The following TEC variants were observed in gnomAD, a reference collection of about 807,000 sequenced individuals.
TEC encodes tec protein tyrosine kinase.
In TEC, 72 loss-of-function variants were observed where a neutral mutation model predicts 93.0. The observed-to-expected ratio is 0.77, with a 90% CI of 0.64 to 0.94. TEC has a LOEUF of 0.94. Among genes scored for constraint, TEC ranks in the 40% least tolerant of loss-of-function variants. The pLI is 0.00. For missense variants in TEC, 630 were observed against 757.9 expected (o/e 0.83, Z 1.98); for synonymous variants, 249 against 247.7 (o/e 1.01, Z -0.05).
intron 1 of TEC, among the ~76,000 whole-genome samples, chr4:48,264,222 C>T (rs1724573072): frequency 6.6e-6 from 1 of 152,112 alleles, no homozygotes. Context: ...GCAATTGAAC[C>T]CTCTATAAAA....
At chr4:48,179,372 ATATATTTTT>A (rs1721488865) in intron 2 of TEC, among the ~76,000 whole-genome samples, 2 of 27,116 alleles carry the variant, frequency 7.4e-5, no homozygotes, top group Admixed American at 1.2e-3. Flanking sequence ...ATATATATAT[ATATATTTTT>A]TTTTTTTTTT....
intron 1 of TEC, among the ~76,000 whole-genome samples, chr4:48,232,905 T>C (rs1160741620): frequency 6.6e-6 from 1 of 152,184 alleles, no homozygotes; most frequent in Non-Finnish European, 1.5e-5. Context: ...CTAGAAGTTG[T>C]GATGGAGAAG....
chr4:48,156,960 T>C (rs1199570686), intron 8 of TEC, among the ~76,000 whole-genome samples: 1 of 152,356 alleles, frequency 6.6e-6, no homozygotes, highest in Non-Finnish European at 1.5e-5. Context: ...CATATTCTTA[T>C]GTTTCATTAA....
At chr4:48,223,304 A>G (rs1168541390) in intron 2 of TEC, among the ~76,000 whole-genome samples, 1 of 152,238 alleles carries the variant, frequency 6.6e-6, no homozygotes. Context: ...AAACAAAAAT[A>G]TCCATGAAAC....
At chr4:48,160,826 A>AGG (rs1553885907) in intron 8 of TEC, among the ~76,000 whole-genome samples, 1 of 115,340 alleles carries the variant, frequency 8.7e-6, no homozygotes, top group East Asian at 3.5e-4. Flanking sequence ...AGAGAGAGAC[A>AGG]GAGGGAGGGA....
chr4:48,163,933 T>C (rs1177313655), intron 7 of TEC, among the ~76,000 whole-genome samples, 166 bp from the exon 8 acceptor site: 1 of 152,254 alleles, frequency 6.6e-6, no homozygotes, highest in Non-Finnish European at 1.5e-5. Context: ...CTTGACATTT[T>C]ACAAAGTACT....
intron 1 of TEC, among the ~76,000 whole-genome samples, chr4:48,256,500 G>T (rs1724349356): frequency 6.6e-6 from 1 of 151,338 alleles, no homozygotes; most frequent in Non-Finnish European, 1.5e-5. Flanking sequence ...GGCTGAGGAG[G>T]GAGGATCGCT....
At chr4:48,151,204 G>C (rs1278542338) in intron 9 of TEC, among the ~76,000 whole-genome samples, 2 of 152,130 alleles carry the variant, frequency 1.3e-5, no homozygotes, top group Non-Finnish European at 2.9e-5. Flanking sequence ...TGAATGGTGA[G>C]ACATTTCAAT....
chr4:48,207,626 A>AG (rs1381912446), intron 2 of TEC, among the ~76,000 whole-genome samples: 2 of 151,004 alleles, frequency 1.3e-5, no homozygotes, highest in African/African-American at 4.9e-5. Context: ...TACAAAAAAA[A>AG]AAAAAAAAAA....
At chr4:48,170,965 C>A (rs771108711) in intron 4 of TEC, among the ~76,000 whole-genome samples, 1 of 151,940 alleles carries the variant, frequency 6.6e-6, no homozygotes, top group Non-Finnish European at 1.5e-5. Context: ...GCAGGAGAAT[C>A]GCTTGAACCC....
chr4:48,142,544 C>A (rs1207537806), intron 14 of TEC, among the ~76,000 whole-genome samples: 1 of 152,128 alleles, frequency 6.6e-6, no homozygotes, highest in African/African-American at 2.4e-5. Context: ...ACATGATGTA[C>A]AAAATTGGTC....
Position 48,176,088 on chromosome 4 carries a change from T to C in TEC, c.237A>G (p.Pro79=). ...CAAAAATACACCAGCTCACCTGAAA[T>C]GGATACTTATTTTGACAGGGAATGA... ...DGVIPCQNKY[P]FQVVHDANTL... The change falls in exon 3 of 18, where the codon CCA becomes CCG. Residue 79 remains proline (P), a synonymous_variant. Coordinates refer to ENST00000381501, the MANE Select transcript of TEC (RefSeq NM_003215.3). 1 of 1,613,108 alleles carries C rather than the reference T, an allele frequency of 6.2e-7. No individual in the cohort carries two copies. Among genetic ancestry groups the C allele is most frequent in the Middle Eastern group, 1.7e-4 (1 of 6,056 alleles).
chr4:48,259,629 T>A (rs1435254104), intron 1 of TEC, among the ~76,000 whole-genome samples: 2 of 150,460 alleles, frequency 1.3e-5, no homozygotes, highest in African/African-American at 4.9e-5. Flanking sequence ...GGCATGAGAA[T>A]CTCCTAAACC....
chr4:48,191,235 C>T (rs1269841214), intron 2 of TEC, among the ~76,000 whole-genome samples: 1 of 152,194 alleles, frequency 6.6e-6, no homozygotes, highest in Admixed American at 6.5e-5. Context: ...TATCTGGACC[C>T]TCACAATCAC....
intron 14 of TEC, among the ~76,000 whole-genome samples, chr4:48,142,353 A>C (rs912085494): frequency 2.0e-5 from 3 of 152,180 alleles, no homozygotes; most frequent in African/African-American, 7.2e-5. Context: ...ACACAACTGT[A>C]GTACCAGCTA....
intron 1 of TEC, among the ~76,000 whole-genome samples, chr4:48,229,877 G>T (rs1023969076): frequency 6.6e-6 from 1 of 150,970 alleles, no homozygotes; most frequent in Non-Finnish European, 1.5e-5. Context: ...AGTTTGAGAC[G>T]AGCCTGGCCA....
intron 1 of TEC, among the ~76,000 whole-genome samples, chr4:48,239,491 A>AAAT (rs140691923): frequency 0.33 from 49,662 of 151,908 alleles, 8,396 homozygotes; most frequent in Middle Eastern, 0.4. Context: ...ATACAAGTGA[A>AAAT]AATAAGATAA....
At chr4:48,266,455 G>A (rs902706845) in intron 1 of TEC, among the ~76,000 whole-genome samples, 5 of 152,132 alleles carry the variant, frequency 3.3e-5, no homozygotes, top group African/African-American at 1.2e-4. Context: ...GTCAATTGAG[G>A]GAGAATTTGG....
intron 1 of TEC, among the ~76,000 whole-genome samples, chr4:48,250,071 G>T (rs771444638): frequency 6.6e-6 from 1 of 152,168 alleles, no homozygotes; most frequent in Non-Finnish European, 1.5e-5. Context: ...ACCTCAGATT[G>T]CTGTATCCAA....
Sources: allele counts gnomAD v4.1 joint callset (sites outside exome capture counted in the v4.1 genomes callset), GRCh38; gene constraint gnomAD v4.1.1; transcripts MANE v1.5; gene names NCBI Gene and HGNC (gene_info 2026-07-23, HGNC 2026-07-21).